Variants in ALDH1A2 observed in about 807,000 individuals in gnomAD.
ALDH1A2 encodes the protein aldehyde dehydrogenase 1 family member A2.
A neutral mutation model predicts 60.3 loss-of-function variants in ALDH1A2; 27 were observed. That is an observed-to-expected ratio of 0.45 (90% CI 0.33 to 0.62). ALDH1A2 has a LOEUF of 0.62. ALDH1A2 is among the 20% of genes least tolerant of loss of function. ALDH1A2 has a pLI of 0.02. For missense variants in ALDH1A2, 581 were observed against 643.8 expected, an observed-to-expected ratio of 0.90 and a Z score of 1.06; for synonymous variants, 289 against 232.4, an observed-to-expected ratio of 1.24 and a Z score of -2.21.
At chr15:57,963,347 C>CT (rs67005556) in intron 9 of ALDH1A2, among the ~76,000 whole-genome samples, 10,870 of 137,436 alleles carry the variant, frequency 0.079, 513 homozygotes, top group East Asian at 0.14. Flanking sequence ...TCAGAATATT[C>CT]TTTTTTTTTT....
chr15:58,027,151 A>T (rs1208718995), intron 1 of ALDH1A2, among the ~76,000 whole-genome samples: 1 of 152,184 alleles, frequency 6.6e-6, no homozygotes, highest in East Asian at 1.9e-4. Flanking sequence ...TCATACAGGC[A>T]GGTGCCCCTC....
chr15:57,992,322 T>C (rs1285805010), intron 7 of ALDH1A2, among the ~76,000 whole-genome samples: 7 of 152,174 alleles, frequency 4.6e-5, no homozygotes, highest in African/African-American at 1.7e-4. Context: ...GAGTTGCCAA[T>C]TGCACCTACC....
intron 12 of ALDH1A2, among the ~76,000 whole-genome samples, chr15:57,957,566 A>G (rs1386800054): frequency 6.6e-6 from 1 of 152,238 alleles, no homozygotes; most frequent in Non-Finnish European, 1.5e-5. Flanking sequence ...CTGATGCACG[A>G]AAGGTATGCA....
chr15:57,958,523 C>T (rs1198220744), intron 12 of ALDH1A2, among the ~76,000 whole-genome samples: 1 of 152,164 alleles, frequency 6.6e-6, no homozygotes, highest in South Asian at 2.1e-4. Context: ...GTGGGGAGAC[C>T]TCGTGGGCTA....
At chr15:58,053,039 C>T (rs541220797) in intron 1 of ALDH1A2, among the ~76,000 whole-genome samples, 44 of 152,154 alleles carry the variant, frequency 2.9e-4, no homozygotes, top group Admixed American at 5.9e-4. Context: ...TCATCAAACA[C>T]GAAGATGTAT....
At chr15:58,064,773 T>C (rs1178783538) in intron 1 of ALDH1A2, among the ~76,000 whole-genome samples, 1 of 152,120 alleles carries the variant, frequency 6.6e-6, no homozygotes, top group Non-Finnish European at 1.5e-5. Flanking sequence ...ATTCATTTTA[T>C]ATTAGGTAGC....
rs1244899392 is a variant in ALDH1A2, at chr15:58,013,961, G to C, written c.260C>G (p.Ala87Gly). The change falls in exon 3 of 13, where the codon GCT (alanine) becomes GGT (glycine). Residue 87 changes from alanine (A) to glycine (G), a missense_variant. Transcript: ENST00000249750. The part of the protein sequence containing the change: ...IDKAVQAARL[A>G]FSLGSVWRRM... ...TCTCCACACTGAACCAAGAGAGAAA[G>C]CCAGGCGGGCTGCCTGCACTGCTTT... is the stretch of plus-strand genomic sequence containing the variant. 2 of 1,614,112 alleles carry C rather than the reference G, an allele frequency of 1.2e-6. No homozygotes were observed. The highest frequency in any genetic ancestry group is 3.3e-5 in the Admixed American group (2 of 60,018).
chr15:57,994,180 A>C (rs1315886122), intron 5 of ALDH1A2, among the ~76,000 whole-genome samples: 1 of 152,214 alleles, frequency 6.6e-6, no homozygotes, highest in Non-Finnish European at 1.5e-5. Context: ...AGCTGGTCCA[A>C]GTAGGATTTC....
chr15:58,014,582 G>T, intron 1 of ALDH1A2: 3 of 476,672 alleles, frequency 6.3e-6, no homozygotes, highest in South Asian at 4.6e-5. Flanking sequence ...TGATGCTAAG[G>T]CAAGAGTTAT....
chr15:58,030,655 C>G (rs1159176375), intron 1 of ALDH1A2, among the ~76,000 whole-genome samples: 3 of 152,070 alleles, frequency 2.0e-5, no homozygotes, highest in African/African-American at 7.2e-5. Context: ...TGTGTCAGCC[C>G]AAAATCTCCT....
intron 4 of ALDH1A2, 109 bp downstream of exon 4, chr15:58,010,540 A>C: frequency 7.0e-7 from 1 of 1,434,626 alleles, no homozygotes; most frequent in Non-Finnish European, 9.6e-7. Context: ...TAACTGCTGT[A>C]AGTGTGCTCA....
intron 7 of ALDH1A2, among the ~76,000 whole-genome samples, chr15:57,970,214 T>G (rs1894017890): frequency 6.6e-6 from 1 of 152,216 alleles, no homozygotes; most frequent in Non-Finnish European, 1.5e-5. Flanking sequence ...CTTTTTTTAG[T>G]TTCCCTGCCC....
At chr15:58,033,249 G>C (rs1396576774) in intron 1 of ALDH1A2, among the ~76,000 whole-genome samples, 1 of 151,954 alleles carries the variant, frequency 6.6e-6, no homozygotes, top group Non-Finnish European at 1.5e-5. Context: ...AAATGCATTT[G>C]TATGTATTGG....
intron 7 of ALDH1A2, among the ~76,000 whole-genome samples, chr15:57,986,280 A>G (rs558078833): frequency 6.6e-6 from 1 of 152,154 alleles, no homozygotes; most frequent in African/African-American, 2.4e-5. Context: ...GAGGAGACCA[A>G]AGCAGAATAT....
chr15:58,058,241 G>C (rs2140581883), intron 1 of ALDH1A2: 1 of 574,326 alleles, frequency 1.7e-6, no homozygotes, highest in South Asian at 2.2e-5. Context: ...TCTCAGTCTG[G>C]AAATCTGGTA....
At chr15:58,019,689 G>A (rs187471588) in intron 1 of ALDH1A2, among the ~76,000 whole-genome samples, 1 of 152,152 alleles carries the variant, frequency 6.6e-6, no homozygotes, top group Non-Finnish European at 1.5e-5. Flanking sequence ...GGTTGTGAAG[G>A]ACTAACTGTC....
intron 1 of ALDH1A2, among the ~76,000 whole-genome samples, chr15:58,039,479 C>T (rs1016967096): frequency 8.6e-5 from 13 of 151,774 alleles, no homozygotes; most frequent in African/African-American, 2.9e-4. Context: ...ATTGTGAAGG[C>T]CATTCCCATT....
intron 1 of ALDH1A2, among the ~76,000 whole-genome samples, chr15:58,047,434 G>A (rs553363100): frequency 2.0e-5 from 3 of 151,924 alleles, no homozygotes; most frequent in African/African-American, 7.2e-5. Flanking sequence ...GTAGTTTGAG[G>A]ACTTAATGGT....
chr15:58,020,517 A>C (rs1027721546), intron 1 of ALDH1A2, among the ~76,000 whole-genome samples: 6 of 152,204 alleles, frequency 3.9e-5, no homozygotes, highest in Non-Finnish European at 7.3e-5. Flanking sequence ...CATATGTAAT[A>C]TAAATGCAAG....
Sources: allele counts gnomAD v4.1 joint callset (sites outside exome capture counted in the v4.1 genomes callset), GRCh38; gene constraint gnomAD v4.1.1; transcripts MANE v1.5; gene names NCBI Gene and HGNC (gene_info 2026-07-23, HGNC 2026-07-21).